The following TRHDE variants were observed in gnomAD, a reference collection of about 807,000 sequenced individuals.
The protein encoded by TRHDE is thyrotropin releasing hormone degrading enzyme, also known as thyrotropin-releasing hormone-degrading ectoenzyme.
A neutral mutation model predicts 125.7 loss-of-function variants in TRHDE; 72 were observed. That is an observed-to-expected ratio of 0.57 (90% CI 0.47 to 0.70). The LOEUF (loss-of-function observed/expected upper bound fraction) is 0.70, where lower values mean the gene tolerates loss of function less well. TRHDE is among the 30% of genes least tolerant of loss of function. TRHDE has a pLI of 0.00. For missense variants in TRHDE, 1,110 were observed against 1,327.1 expected (o/e 0.84, Z 2.54); for synonymous variants, 509 against 509.1 (o/e 1.00, Z 0.00).
intron 3 of TRHDE, among the ~76,000 whole-genome samples, chr12:72,394,830 C>G (rs1241324152): frequency 1.3e-5 from 2 of 152,108 alleles, no homozygotes; most frequent in Admixed American, 1.3e-4. Context: ...ATGTAGGTGA[C>G]GTATGCCTCC....
At chr12:72,440,725 T>C (rs936661296) in intron 3 of TRHDE, among the ~76,000 whole-genome samples, 6 of 151,796 alleles carry the variant, frequency 4.0e-5, no homozygotes, top group African/African-American at 1.5e-4. Flanking sequence ...GCATCTGAGG[T>C]ACAAACCCCC....
chr12:72,430,457 G>C (rs1233555334), intron 3 of TRHDE, among the ~76,000 whole-genome samples: 1 of 146,660 alleles, frequency 6.8e-6, no homozygotes, highest in Non-Finnish European at 1.5e-5. Context: ...ATATATATGT[G>C]TATATATATA....
chr12:72,300,399 C>CAT (rs1880461714), intron 2 of TRHDE, among the ~76,000 whole-genome samples: 1 of 147,972 alleles, frequency 6.8e-6, no homozygotes, highest in Admixed American at 6.8e-5. Context: ...CACACACACA[C>CAT]ATTGCTGGGC....
At chr12:72,269,039 A>T (rs148111347), upstream of TRHDE, among the ~76,000 whole-genome samples, 1 of 152,212 alleles carries the variant, frequency 6.6e-6, no homozygotes, top group Non-Finnish European at 1.5e-5. Context: ...GTGACCTATA[A>T]CACTGAAAGC....
chr12:72,370,572 C>G (rs1396300984), intron 2 of TRHDE, among the ~76,000 whole-genome samples: 4 of 152,104 alleles, frequency 2.6e-5, no homozygotes, highest in African/African-American at 9.7e-5. Flanking sequence ...CACTATATAT[C>G]TCCTCACTTT....
intron 15 of TRHDE, among the ~76,000 whole-genome samples, chr12:72,639,058 C>A (rs898526878): frequency 6.7e-6 from 1 of 149,532 alleles, no homozygotes; most frequent in African/African-American, 2.5e-5. Flanking sequence ...GCCTGCCTTG[C>A]TAGATTGGGG....
chr12:72,089,517 T>C (rs1009421232), intron 1 of TRHDE, among the ~76,000 whole-genome samples: 15 of 152,240 alleles, frequency 9.9e-5, no homozygotes, highest in African/African-American at 3.4e-4. Context: ...ACAAATCATT[T>C]ATGCTCTTGC....
Position 72,477,992 on chromosome 12 carries a change from A to C in TRHDE, c.1584+4812A>C, listed in dbSNP as rs1455946605. ...GAAGGTAAAGAGCTTCACGCACCAA[A>C]AACATTATAAGTTATACTTTGATAA... On this transcript the variant is annotated intron_variant, in intron 5 of 18. Transcript: ENST00000261180. 2.0e-5 allele frequency among the ~76,000 whole-genome samples: 3 copies of C among 152,194 alleles called. No homozygotes were observed. The East Asian group carries it at 5.8e-4, about 29-fold the overall frequency.
chr12:72,616,376 A>AGAT (rs1468917676), intron 12 of TRHDE, among the ~76,000 whole-genome samples: 2 of 152,108 alleles, frequency 1.3e-5, no homozygotes, highest in African/African-American at 4.8e-5. Context: ...ATTAAATTGT[A>AGAT]GATATATAGG....
intron 3 of TRHDE, among the ~76,000 whole-genome samples, chr12:72,441,500 G>A (rs1290670550): frequency 6.6e-6 from 1 of 151,822 alleles, no homozygotes; most frequent in Non-Finnish European, 1.5e-5. Flanking sequence ...GGACAGGCGG[G>A]AAAGGGAAAA....
At chr12:72,200,215 T>G (rs1401687377) in intron 2 of TRHDE, among the ~76,000 whole-genome samples, 2 of 152,174 alleles carry the variant, frequency 1.3e-5, no homozygotes, top group Admixed American at 1.3e-4. Flanking sequence ...AGCTGACATC[T>G]CTTGTAATTG....
chr12:72,549,931 T>C (rs1869597767), intron 7 of TRHDE, among the ~76,000 whole-genome samples: 1 of 151,832 alleles, frequency 6.6e-6, no homozygotes, highest in African/African-American at 2.4e-5. Flanking sequence ...AATGTGGCTA[T>C]ATAATATTAA....
At chr12:72,305,604 A>G (rs1476089310) in intron 2 of TRHDE, among the ~76,000 whole-genome samples, 1 of 152,216 alleles carries the variant, frequency 6.6e-6, no homozygotes, top group African/African-American at 2.4e-5. Context: ...ATTAGGATGT[A>G]CCTACAACTG....
chr12:72,428,947 C>A (rs565820423), intron 3 of TRHDE, among the ~76,000 whole-genome samples: 1 of 152,086 alleles, frequency 6.6e-6, no homozygotes, highest in South Asian at 2.1e-4. Context: ...ATCCTTATGG[C>A]TAAAATTCCA....
rs372639668 is a variant in TRHDE at position 72,616,579 on chromosome 12, C to T, written c.2322-2312C>T. On this transcript the variant is annotated intron_variant, in intron 12 of 18. Transcript: ENST00000261180. Reference sequence around the variant, plus strand: ...TCGTTTTTATTTGCAGGCAAATTCCCTACAAAGTATGAGTCATTAAATAAT... The same window carrying T: ...TCGTTTTTATTTGCAGGCAAATTCCTTACAAAGTATGAGTCATTAAATAAT... Among the ~76,000 whole-genome samples, 13 of 152,066 alleles carry T rather than the reference C, an allele frequency of 8.5e-5. No homozygotes were observed. In the South Asian group the frequency reaches 2.7e-3, roughly 32 times the overall value.
chr12:72,444,670 T>C lies in TRHDE; in HGVS notation c.1316-25088T>C, dbSNP rs1004548179. Among the ~76,000 whole-genome samples the C allele has an allele frequency of 7.2e-5, 11 of 151,898 alleles. No individual in the cohort carries two copies. The Admixed American group carries it at 7.2e-4, about 10-fold the overall frequency. On this transcript the variant is annotated intron_variant, in intron 3 of 18. Transcript: ENST00000261180. Reference sequence around the variant, plus strand: ...AGAAGTGAGAGATAGTATTTAATAATTTAATAAGATTAAATCTAAACCATA... The same window carrying C: ...AGAAGTGAGAGATAGTATTTAATAACTTAATAAGATTAAATCTAAACCATA...
chr12:72,359,915 G>C lies in TRHDE; in HGVS notation c.1189-18080G>C, dbSNP rs111718353. 1.4e-4 allele frequency among the ~76,000 whole-genome samples: 22 copies of C among 151,818 alleles called. 1 individual carries two copies. Among genetic ancestry groups the C allele is most frequent in the African/African-American group, 5.1e-4 (21 of 41,496 alleles). Reference sequence around the variant, plus strand: ...AGAATGTGGTATTGGCACGGTGAGAGACTGACTAGCCAATAGGAGACTATG... The same window carrying C: ...AGAATGTGGTATTGGCACGGTGAGACACTGACTAGCCAATAGGAGACTATG... On this transcript the variant is annotated intron_variant, in intron 2 of 18. Coordinates refer to ENST00000261180, the MANE Select transcript of TRHDE (RefSeq NM_013381.3).
intron 2 of TRHDE, among the ~76,000 whole-genome samples, chr12:72,301,838 C>G (rs937623152): frequency 1.3e-5 from 2 of 152,030 alleles, no homozygotes; most frequent in Non-Finnish European, 2.9e-5. Context: ...AGAATGAGCA[C>G]AGATGGTTAA....
intron 15 of TRHDE, among the ~76,000 whole-genome samples, chr12:72,647,570 A>G (rs1018314899): frequency 5.9e-5 from 9 of 151,612 alleles, no homozygotes; most frequent in African/African-American, 2.2e-4. Context: ...AGACTCAAAT[A>G]AAAACAGAAA....
Sources: gnomAD v4.1 joint callset for allele counts (sites outside exome capture counted in the v4.1 genomes callset) on GRCh38, gnomAD v4.1.1 for gene constraint, MANE v1.5 for transcripts, NCBI Gene and HGNC (gene_info 2026-07-23, HGNC 2026-07-21) for gene names.